EBF2: variants seen among roughly 807,000 people sequenced by gnomAD.
EBF2 encodes the protein transcription factor COE2.
Under a neutral mutation model 72.8 loss-of-function variants are expected in EBF2, and 21 were observed. That is an observed-to-expected ratio of 0.29 (90% CI 0.20 to 0.42). The LOEUF (loss-of-function observed/expected upper bound fraction) is 0.42, where lower values mean the gene tolerates loss of function less well. Ranked by LOEUF, EBF2 falls within the 10% of genes least tolerant of loss-of-function variation. The pLI is 1.00. For synonymous variants in EBF2, 299 were observed against 274.2 expected (o/e 1.09, Z -0.89); for missense variants, 637 against 731.2 (o/e 0.87, Z 1.49).
chr8:25,956,407 A>T (rs79017977), intron 6 of EBF2, among the ~76,000 whole-genome samples: 12 of 148,612 alleles, frequency 8.1e-5, no homozygotes, highest in African/African-American at 3.0e-4. Context: ...CTCCTTCTCA[A>T]AAAAAAAAAA....
chr8:25,940,925 A>G (rs1803659764), intron 6 of EBF2, among the ~76,000 whole-genome samples: 1 of 152,134 alleles, frequency 6.6e-6, no homozygotes, highest in Non-Finnish European at 1.5e-5. Flanking sequence ...AATGTTTGCT[A>G]GCTATTTGCA....
chr8:25,913,579 T>TA (rs1803164749), intron 6 of EBF2, among the ~76,000 whole-genome samples: 1 of 152,140 alleles, frequency 6.6e-6, no homozygotes, highest in Non-Finnish European at 1.5e-5. Context: ...CTTACTCCCT[T>TA]AAAAAAGAAT....
intron 14 of EBF2, among the ~76,000 whole-genome samples, chr8:25,851,690 C>CAAGTCACATGACTTGACAAAAGTGTT (rs1801979631): frequency 6.6e-6 from 1 of 152,114 alleles, no homozygotes; most frequent in East Asian, 1.9e-4. Context: ...CTGAACTGTC[C>CAAGTCACATGACTTGACAAAAGTGTT]AAGTCACATG....
chr8:26,005,511 A>ATT (rs796898514), intron 6 of EBF2, among the ~76,000 whole-genome samples: 378 of 9,506 alleles, frequency 0.04, 1 homozygote, highest in African/African-American at 0.066. Context: ...TATAATATAT[A>ATT]TTATAAAATA....
Position 25,844,293 on chromosome 8 carries a change from T to C in EBF2, c.*316A>G. On this transcript the variant is annotated 3_prime_UTR_variant, in exon 16 of 16. Transcript: ENST00000520164. ...ATATTAAGCATTAATTGTTTGCCAA[T>C]TTTTTCTTAAATATTTTACAAACAT... The C allele has an allele frequency of 4.5e-6, 1 of 221,236 alleles. No individual in the cohort carries two copies. Among genetic ancestry groups the C allele is most frequent in the Non-Finnish European group, 8.9e-6 (1 of 112,274 alleles). The allele number at this position is 221,236 out of a possible 1,614,324, so 13.7% of individuals were successfully genotyped here.
chr8:26,038,732 C>A (rs563717892), intron 5 of EBF2, among the ~76,000 whole-genome samples: 3 of 152,340 alleles, frequency 2.0e-5, no homozygotes, highest in East Asian at 1.9e-4. Flanking sequence ...ATGCCTTCCC[C>A]CCAGCTACTC....
At chr8:26,018,970 A>G (rs910327477) in intron 6 of EBF2, among the ~76,000 whole-genome samples, 7 of 151,384 alleles carry the variant, frequency 4.6e-5, no homozygotes, top group Non-Finnish European at 1.0e-4. Flanking sequence ...AGAACCCCCA[A>G]ACACTGGGAA....
At chr8:26,002,863 C>T (rs1258592694) in intron 6 of EBF2, among the ~76,000 whole-genome samples, 1 of 89,088 alleles carries the variant, frequency 1.1e-5, no homozygotes, top group Admixed American at 1.0e-4. Context: ...GGCGGGCAGG[C>T]GGGCAGGCGG....
intron 6 of EBF2, among the ~76,000 whole-genome samples, chr8:25,938,789 G>A (rs1185689917): frequency 6.6e-6 from 1 of 152,058 alleles, no homozygotes; most frequent in African/African-American, 2.4e-5. Context: ...CCTGTGATGT[G>A]GGGGGCCTCA....
intron 8 of EBF2, among the ~76,000 whole-genome samples, chr8:25,888,793 G>A (rs1260657709): frequency 6.6e-6 from 1 of 152,174 alleles, no homozygotes; most frequent in Non-Finnish European, 1.5e-5. Flanking sequence ...AAAGTTGACA[G>A]GGTCAAAGGT....
chr8:25,903,047 A>C (rs954783445), intron 7 of EBF2, among the ~76,000 whole-genome samples: 72 of 152,148 alleles, frequency 4.7e-4, no homozygotes, highest in African/African-American at 1.6e-3. Context: ...TACCCATTTT[A>C]GTAGGTGTAT....
At chr8:25,906,028 G>A (rs1449227253) in intron 7 of EBF2, among the ~76,000 whole-genome samples, 2 of 152,138 alleles carry the variant, frequency 1.3e-5, no homozygotes, top group African/African-American at 4.8e-5. Flanking sequence ...CTATGCCAAT[G>A]AAAAACTCAG....
chr8:25,870,063 C>G (rs1009068259), intron 10 of EBF2, among the ~76,000 whole-genome samples: 5 of 152,170 alleles, frequency 3.3e-5, no homozygotes, highest in African/African-American at 1.2e-4. Flanking sequence ...GATGGGCATC[C>G]TCCTCAGCTT....
intron 6 of EBF2, among the ~76,000 whole-genome samples, chr8:25,941,950 T>C (rs1803681143): frequency 6.6e-6 from 1 of 152,252 alleles, no homozygotes; most frequent in South Asian, 2.1e-4. Context: ...ATGGATCACT[T>C]CTTCAGTCAA....
intron 6 of EBF2, among the ~76,000 whole-genome samples, chr8:25,966,808 G>T (rs1020543361): frequency 6.6e-6 from 1 of 152,208 alleles, no homozygotes; most frequent in Non-Finnish European, 1.5e-5. Context: ...ATGCTGGGGT[G>T]TATGAGAAGG....
chr8:25,857,279 T>C (rs915788042), intron 14 of EBF2, among the ~76,000 whole-genome samples: 4 of 152,064 alleles, frequency 2.6e-5, no homozygotes, highest in African/African-American at 7.3e-5. Flanking sequence ...AGTGTATGCA[T>C]TGAACTGATA....
At chr8:25,854,291 C>T (rs1205169663) in intron 14 of EBF2, among the ~76,000 whole-genome samples, 1 of 150,726 alleles carries the variant, frequency 6.6e-6, no homozygotes, top group Non-Finnish European at 1.5e-5. Context: ...CTGGGAAACA[C>T]TTGGTGATTG....
intron 15 of EBF2, among the ~76,000 whole-genome samples, chr8:25,850,388 A>G (rs1024744033): frequency 2.0e-5 from 3 of 152,222 alleles, no homozygotes; most frequent in African/African-American, 7.2e-5. Context: ...TGCTGGGATT[A>G]CAGGCATGAG....
At chr8:25,952,698 T>C (rs1008972254) in intron 6 of EBF2, among the ~76,000 whole-genome samples, 1 of 152,256 alleles carries the variant, frequency 6.6e-6, no homozygotes, top group Non-Finnish European at 1.5e-5. Context: ...GCAAGTTTTA[T>C]GCTCTATTTC....
Sources: gnomAD v4.1 joint callset for allele counts (sites outside exome capture counted in the v4.1 genomes callset) on GRCh38, gnomAD v4.1.1 for gene constraint, MANE v1.5 for transcripts, NCBI Gene and HGNC (gene_info 2026-07-23, HGNC 2026-07-21) for gene names.